NCOA6: variants seen among roughly 807,000 people sequenced by gnomAD.
NCOA6 encodes NRC RAP250.
NCOA6 carries 49 observed loss-of-function variants against 171.4 expected under a neutral mutation model. That is an observed-to-expected ratio of 0.29 (90% CI 0.23 to 0.36). The LOEUF (loss-of-function observed/expected upper bound fraction) is 0.36, where lower values mean the gene tolerates loss of function less well. Among genes scored for constraint, NCOA6 ranks in the 10% least tolerant of loss-of-function variants. The probability of loss-of-function intolerance (pLI) is 1.00; values close to 1 mark genes in which losing one functional copy is unlikely to be tolerated. For missense variants in NCOA6, 2,248 were observed against 2,554.5 expected (o/e 0.88, Z 2.59); for synonymous variants, 910 against 927.5 (o/e 0.98, Z 0.34).
At chr20:34,753,020 A>G (rs2076537146) in intron 8 of NCOA6, among the ~76,000 whole-genome samples, 2 of 151,782 alleles carry the variant, frequency 1.3e-5, no homozygotes, top group South Asian at 2.1e-4. Context: ...AAGAATGAGA[A>G]ATGACTTTGT....
chr20:34,749,880 G>C lies in NCOA6; in HGVS notation c.2315C>G (p.Pro772Arg), dbSNP rs2076416131. ...AACCTGAGATGGACTGTTGTTCACA[G>C]GCCCTTGCTGGGGCAGCATCTGTCC... Reference protein sequence around the residue: ...MSGQMLPQQGPVNNSPSQVMG... With the variant: ...MSGQMLPQQGRVNNSPSQVMG... The change falls in exon 9 of 15, where the codon CCT (proline) becomes CGT (arginine). Residue 772 changes from proline to arginine, a missense_variant. Coordinates refer to ENST00000359003, the MANE Select transcript of NCOA6 (RefSeq NM_014071.5). The C allele has an allele frequency of 6.2e-7, 1 of 1,614,144 alleles. No homozygotes were observed. Among genetic ancestry groups the C allele is most frequent in the African/African-American group, 1.3e-5 (1 of 74,944 alleles).
chr20:34,752,004 CACA>C (rs1213252648), intron 8 of NCOA6, among the ~76,000 whole-genome samples: 5 of 152,200 alleles, frequency 3.3e-5, no homozygotes, highest in East Asian at 1.9e-4. Flanking sequence ...ACTAGAAGCG[CACA>C]ACAACACACC....
chr20:34,816,755 T>C (rs1252386336), intron 1 of NCOA6, among the ~76,000 whole-genome samples: 1 of 151,658 alleles, frequency 6.6e-6, no homozygotes, highest in South Asian at 2.1e-4. Flanking sequence ...TGAGCCAAGT[T>C]TGCACCACTG....
At chr20:34,807,934 G>A (rs1240775479) in intron 1 of NCOA6, among the ~76,000 whole-genome samples, 4 of 151,438 alleles carry the variant, frequency 2.6e-5, no homozygotes, top group Non-Finnish European at 5.9e-5. Flanking sequence ...TGGATCACAT[G>A]AAGTCGGGAG....
chr20:34,809,287 T>C (rs1446478243), intron 1 of NCOA6, among the ~76,000 whole-genome samples: 1 of 152,232 alleles, frequency 6.6e-6, no homozygotes, highest in Non-Finnish European at 1.5e-5. Context: ...TCAGTTTTGA[T>C]CCAACCCACA....
chr20:34,761,600 T>A (rs892625612), intron 5 of NCOA6, among the ~76,000 whole-genome samples: 26 of 152,160 alleles, frequency 1.7e-4, no homozygotes, highest in Non-Finnish European at 1.5e-5. Flanking sequence ...TTTGTATAAA[T>A]TTTCCATTTA....
At chr20:34,748,761 T>C (rs1234448028) in intron 9 of NCOA6, among the ~76,000 whole-genome samples, 1 of 152,180 alleles carries the variant, frequency 6.6e-6, no homozygotes, top group Non-Finnish European at 1.5e-5. Context: ...GCGTGGGGTT[T>C]TAAGCTTCTA....
chr20:34,725,514 G>GGGAT (rs1418190623), intron 14 of NCOA6, among the ~76,000 whole-genome samples: 1 of 152,208 alleles, frequency 6.6e-6, no homozygotes, highest in Non-Finnish European at 1.5e-5. Flanking sequence ...TAAGGGAAGT[G>GGGAT]GGATGAGGCT....
chr20:34,759,021 G>A, intron 5 of NCOA6, 88 bp from the exon 6 acceptor site: 2 of 1,408,824 alleles, frequency 1.4e-6, no homozygotes, highest in Non-Finnish European at 9.7e-7. Flanking sequence ...AAAAGATATG[G>A]AAAATTTGTT....
At chr20:34,717,423 T>C (rs1055034474) in intron 14 of NCOA6, among the ~76,000 whole-genome samples, 11 of 152,100 alleles carry the variant, frequency 7.2e-5, no homozygotes, top group Non-Finnish European at 1.3e-4. Flanking sequence ...GCACTCCAGC[T>C]TGGGCAACAA....
chr20:34,751,828 C>T (rs536885934), intron 8 of NCOA6, among the ~76,000 whole-genome samples: 3 of 152,244 alleles, frequency 2.0e-5, no homozygotes, highest in Non-Finnish European at 2.9e-5. Flanking sequence ...ATTATCTCCC[C>T]GTTTAACTGA....
At chr20:34,805,487 C>A (rs541779194) in intron 1 of NCOA6, among the ~76,000 whole-genome samples, 5 of 152,272 alleles carry the variant, frequency 3.3e-5, no homozygotes, top group African/African-American at 9.6e-5. Flanking sequence ...GACAAGATTT[C>A]ATTCTTTTAT....
intron 1 of NCOA6, among the ~76,000 whole-genome samples, chr20:34,808,195 C>A (rs1478547325): frequency 6.6e-6 from 1 of 151,910 alleles, no homozygotes; most frequent in Admixed American, 6.6e-5. Context: ...GTTGCCCAGG[C>A]TGATCTCCAA....
At chr20:34,809,397 G>A (rs561390662) in intron 1 of NCOA6, 6 of 398,332 alleles carry the variant, frequency 1.5e-5, no homozygotes, top group Admixed American at 1.3e-4. Flanking sequence ...AATCCTTTAA[G>A]TTGAAATTAG....
At chr20:34,818,906 C>G (rs559257804) in intron 1 of NCOA6, among the ~76,000 whole-genome samples, 1 of 152,184 alleles carries the variant, frequency 6.6e-6, no homozygotes, top group Non-Finnish European at 1.5e-5. Flanking sequence ...AAAAAGAGTT[C>G]TTCTACAGTA....
At chr20:34,765,475 T>A (rs1600919473) in intron 5 of NCOA6, among the ~76,000 whole-genome samples, 1 of 150,238 alleles carries the variant, frequency 6.7e-6, no homozygotes, top group East Asian at 2.0e-4. Context: ...GTCTTCTTGG[T>A]CCATAATGAG....
intron 8 of NCOA6, among the ~76,000 whole-genome samples, chr20:34,753,766 T>G (rs1159656014): frequency 1.3e-5 from 2 of 152,224 alleles, no homozygotes; most frequent in Admixed American, 1.3e-4. Context: ...ACTACCCTTC[T>G]GTTACCCTGC....
intron 8 of NCOA6, among the ~76,000 whole-genome samples, chr20:34,751,924 C>T (rs1339977241): frequency 6.6e-6 from 1 of 152,038 alleles, no homozygotes; most frequent in Non-Finnish European, 1.5e-5. Flanking sequence ...CTGGTGCAAC[C>T]TCGGCTCATT....
At chr20:34,760,636 CA>C (rs1159273963) in intron 5 of NCOA6, among the ~76,000 whole-genome samples, 3 of 152,144 alleles carry the variant, frequency 2.0e-5, no homozygotes, top group Non-Finnish European at 4.4e-5. Context: ...AATTGATTTA[CA>C]GGGAAACAGA....
Sources: gnomAD v4.1 joint callset for allele counts (sites outside exome capture counted in the v4.1 genomes callset) on GRCh38, gnomAD v4.1.1 for gene constraint, MANE v1.5 for transcripts, NCBI Gene and HGNC (gene_info 2026-07-23, HGNC 2026-07-21) for gene names.